The following GABBR2 variants were observed in gnomAD, a reference collection of about 807,000 sequenced individuals.
The protein encoded by GABBR2 is G-protein coupled receptor 51.
In GABBR2, 23 loss-of-function variants were observed where a neutral mutation model predicts 105.6. That is an observed-to-expected ratio of 0.22 (90% CI 0.16 to 0.31). The LOEUF (loss-of-function observed/expected upper bound fraction) is 0.31, where lower values mean the gene tolerates loss of function less well. Among genes scored for constraint, GABBR2 ranks in the 10% least tolerant of loss-of-function variants. The pLI, the probability that GABBR2 is intolerant of heterozygous loss-of-function variation, is 1.00. For synonymous variants in GABBR2, 478 were observed against 499.7 expected (o/e 0.96, Z 0.58); for missense variants, 734 against 1,245.5 (o/e 0.59, Z 6.18).
chr9:98,372,622 C>G (rs1051064369), intron 11 of GABBR2, among the ~76,000 whole-genome samples: 1 of 152,298 alleles, frequency 6.6e-6, no homozygotes, highest in African/African-American at 2.4e-5. Flanking sequence ...GAACTGAGCA[C>G]AGTAGCTTTG....
intron 1 of GABBR2, among the ~76,000 whole-genome samples, chr9:98,698,505 T>TA (rs34068263): frequency 6.9e-6 from 1 of 145,796 alleles, no homozygotes; most frequent in African/African-American, 2.7e-5. Context: ...GCACAATTCT[T>TA]TTTTTTTTTT....
chr9:98,639,824 G>A (rs868507946), intron 1 of GABBR2, among the ~76,000 whole-genome samples: 3 of 152,090 alleles, frequency 2.0e-5, no homozygotes, highest in Admixed American at 6.5e-5. Flanking sequence ...GCCTTATCTC[G>A]GGAGGCACTC....
intron 2 of GABBR2, among the ~76,000 whole-genome samples, chr9:98,573,707 A>G (rs1828869178): frequency 6.6e-6 from 1 of 152,246 alleles, no homozygotes. Context: ...TACTGTACAC[A>G]ATATAGAAGG....
Position 98,617,939 on chromosome 9 carries a change from C to T in GABBR2, c.322-39867G>A, listed in dbSNP as rs1458982579. ...AAGTCCCCTTACCACTCCGAGCCTC[C>T]GTTTCCTCATCTATTAAAATGGGAT... is the stretch of plus-strand genomic sequence containing the variant. On this transcript the variant is annotated intron_variant, in intron 1 of 18. Transcript: ENST00000259455. Among the ~76,000 whole-genome samples the T allele has an allele frequency of 3.9e-5, 6 of 152,180 alleles. No individual in the cohort carries two copies. In the South Asian group the frequency reaches 1.0e-3, roughly 26 times the overall value.
intron 7 of GABBR2, among the ~76,000 whole-genome samples, chr9:98,411,370 C>T (rs1050252445): frequency 1.3e-5 from 2 of 152,200 alleles, no homozygotes; most frequent in Admixed American, 6.5e-5. Context: ...CTTGGATGCT[C>T]ATTGAGCGTT....
At chr9:98,458,902 C>T (rs1826373433) in intron 6 of GABBR2, among the ~76,000 whole-genome samples, 1 of 152,216 alleles carries the variant, frequency 6.6e-6, no homozygotes, top group Non-Finnish European at 1.5e-5. Context: ...TCAGTAGCAA[C>T]TTCCAGGTGT....
chr9:98,469,675 C>T (rs750355905), intron 6 of GABBR2, among the ~76,000 whole-genome samples: 11 of 152,354 alleles, frequency 7.2e-5, no homozygotes, highest in Admixed American at 7.2e-4. Flanking sequence ...CAAGGTCACA[C>T]TCCCAAGTTC....
chr9:98,694,467 C>T (rs997808149), intron 1 of GABBR2, among the ~76,000 whole-genome samples: 2 of 152,228 alleles, frequency 1.3e-5, no homozygotes, highest in Non-Finnish European at 2.9e-5. Flanking sequence ...TTCGGTAAGA[C>T]AGCCTGCTAG....
At chr9:98,494,175 G>C (rs944019684) in intron 4 of GABBR2, among the ~76,000 whole-genome samples, 1 of 152,180 alleles carries the variant, frequency 6.6e-6, no homozygotes, top group Non-Finnish European at 1.5e-5. Context: ...CTAAGCCTTC[G>C]AGAGAGTACA....
chr9:98,615,748 A>T (rs575026649), intron 1 of GABBR2, among the ~76,000 whole-genome samples: 49 of 152,290 alleles, frequency 3.2e-4, no homozygotes, highest in African/African-American at 1.2e-3. Context: ...TGTGCCCAGA[A>T]CTGTGCTGGA....
chr9:98,350,382 C>T (rs1015207377), intron 13 of GABBR2, among the ~76,000 whole-genome samples: 6 of 151,940 alleles, frequency 3.9e-5, no homozygotes, highest in South Asian at 2.1e-4. Context: ...AATTGCTATA[C>T]GTTTCCCTCT....
chr9:98,307,944 G>A (rs1830576181), intron 14 of GABBR2, among the ~76,000 whole-genome samples: 1 of 152,050 alleles, frequency 6.6e-6, no homozygotes, highest in South Asian at 2.1e-4. Flanking sequence ...TTTTAAAATG[G>A]GGAACCAGGC....
intron 13 of GABBR2, among the ~76,000 whole-genome samples, chr9:98,334,716 C>T (rs1300464890): frequency 1.3e-5 from 2 of 152,172 alleles, no homozygotes; most frequent in Non-Finnish European, 2.9e-5. Flanking sequence ...TGGCTGCTGT[C>T]CCCTAAGGGG....
At chr9:98,482,041 C>A (rs1408740582) in intron 4 of GABBR2, among the ~76,000 whole-genome samples, 1 of 152,192 alleles carries the variant, frequency 6.6e-6, no homozygotes, top group Non-Finnish European at 1.5e-5. Context: ...AGGAGACCAG[C>A]CAGGCCCTGG....
chr9:98,575,924 C>T (rs144139329), intron 2 of GABBR2, among the ~76,000 whole-genome samples: 47 of 152,340 alleles, frequency 3.1e-4, no homozygotes, highest in African/African-American at 1.1e-3. Context: ...GTTTCCTCTG[C>T]AGCGGCGCTC....
At chr9:98,603,407 T>C (rs1483890873) in intron 1 of GABBR2, among the ~76,000 whole-genome samples, 1 of 152,234 alleles carries the variant, frequency 6.6e-6, no homozygotes, top group East Asian at 1.9e-4. Context: ...CGCTAATTAC[T>C]TTTTAGGGAG....
intron 1 of GABBR2, among the ~76,000 whole-genome samples, chr9:98,672,294 T>G (rs1256191739): frequency 6.6e-6 from 1 of 152,220 alleles, no homozygotes; most frequent in African/African-American, 2.4e-5. Context: ...CTCATATAAG[T>G]GAAGTCAGAC....
At chr9:98,612,415 C>T (rs1443486398) in intron 1 of GABBR2, among the ~76,000 whole-genome samples, 1 of 152,208 alleles carries the variant, frequency 6.6e-6, no homozygotes, top group Non-Finnish European at 1.5e-5. Context: ...ACCTGTGTGA[C>T]AGGCTGAGGA....
In GABBR2 at chr9:98,453,755, C is replaced by T. The variant is rs117964077; in HGVS notation, c.1236+226G>A. On this transcript the variant is annotated intron_variant, in intron 7 of 18. Coordinates refer to ENST00000259455, the MANE Select transcript of GABBR2 (RefSeq NM_005458.8). ...CTTCAGCAAGTACCTGGCTCTATGC[C>T]CTTTCTTATCCATGAGTCACAGAGA... Among the ~76,000 whole-genome samples the T allele has an allele frequency of 1.3e-3, 194 of 152,250 alleles. 4 individuals are homozygous for T. The highest frequency in any genetic ancestry group is 8.8e-3 in the Admixed American group (135 of 15,300).
Sources: gnomAD v4.1 joint callset for allele counts (sites outside exome capture counted in the v4.1 genomes callset) on GRCh38, gnomAD v4.1.1 for gene constraint, MANE v1.5 for transcripts, NCBI Gene and HGNC (gene_info 2026-07-23, HGNC 2026-07-21) for gene names.